Variants in NSUN7 observed in about 807,000 individuals in gnomAD.
NSUN7 encodes NOP2/Sun RNA methyltransferase family member 7, also known as protein NSUN7.
NSUN7 carries 39 observed loss-of-function variants against 58.5 expected under a neutral mutation model. The ratio of observed to expected loss-of-function variants is 0.67; its 90% CI spans 0.52 to 0.87. The LOEUF (loss-of-function observed/expected upper bound fraction) is 0.87, where lower values mean the gene tolerates loss of function less well. Ranked by LOEUF, NSUN7 falls within the 40% of genes least tolerant of loss-of-function variation. The pLI is 0.00. For synonymous variants in NSUN7, 278 were observed against 303.7 expected (o/e 0.92, Z 0.88); for missense variants, 765 against 844.1 (o/e 0.91, Z 1.16).
intron 4 of NSUN7, among the ~76,000 whole-genome samples, chr4:40,766,443 T>C (rs1741731331): frequency 6.6e-6 from 1 of 151,948 alleles, no homozygotes; most frequent in Non-Finnish European, 1.5e-5. Flanking sequence ...CACTTGATCA[T>C]GGTGGATAAG....
chr4:40,805,929 C>T (rs746266445), intron 10 of NSUN7, among the ~76,000 whole-genome samples: 1 of 152,060 alleles, frequency 6.6e-6, no homozygotes, highest in Admixed American at 6.6e-5. Flanking sequence ...GCAACCACCA[C>T]CTCCTGGGTT....
chr4:40,808,851 T>C lies in NSUN7; in HGVS notation c.2069T>C (p.Leu690Pro). The C allele has an allele frequency of 6.5e-7, 1 of 1,549,156 alleles. No individual in the cohort carries two copies. The highest frequency in any genetic ancestry group is 8.7e-7 in the Non-Finnish European group (1 of 1,146,712). ...VAPKALVPTC[L>P]PTHSLSRKEE... ...CCCAAGGCACTTGTGCCCACCTGCC[T>C]TCCCACACACTCACTATCCAGAAAA... The change falls in exon 12 of 12, where the codon CTT becomes CCT. Residue 690 changes from leucine to proline, a missense_variant. Coordinates refer to ENST00000381782, the MANE Select transcript of NSUN7 (RefSeq NM_024677.6).
chr4:40,753,130 T>G (rs1380093344), intron 2 of NSUN7, among the ~76,000 whole-genome samples: 1 of 152,212 alleles, frequency 6.6e-6, no homozygotes, highest in Non-Finnish European at 1.5e-5. Flanking sequence ...CCTTTAGTAC[T>G]CAATAAGAAA....
At position 40,761,148 on chromosome 4, in the gene NSUN7, TTATA is replaced by T. The variant is rs755142917; in HGVS notation, c.358-19_358-16del. On this transcript the variant is annotated intron_variant, in intron 3 of 11. Transcript: ENST00000381782. ...TTAGATATTGTTTGTATACTTTTCT[TTATA>T]TATGTTTTCCCTTGTTAGCCAGATC... is the stretch of plus-strand genomic sequence containing the variant. The T allele has an allele frequency of 4.5e-6, 7 of 1,542,834 alleles. No homozygotes were observed.
At chr4:40,778,031 A>G (rs962785803) in intron 7 of NSUN7, among the ~76,000 whole-genome samples, 7 of 152,244 alleles carry the variant, frequency 4.6e-5, no homozygotes, top group African/African-American at 1.4e-4. Context: ...GAAAAATACA[A>G]TGTGTGAAAT....
intron 2 of NSUN7, among the ~76,000 whole-genome samples, chr4:40,755,491 T>G (rs76972749): frequency 0.017 from 2,523 of 152,324 alleles, 68 homozygotes; most frequent in African/African-American, 0.058. Context: ...TGAAATTGCT[T>G]ATCTTTTTCC....
chr4:40,762,055 A>T (rs958704579), intron 4 of NSUN7, among the ~76,000 whole-genome samples: 1 of 152,184 alleles, frequency 6.6e-6, no homozygotes, highest in African/African-American at 2.4e-5. Flanking sequence ...ATGCTATTAT[A>T]AAAAGGGCTT....
intron 9 of NSUN7, among the ~76,000 whole-genome samples, chr4:40,797,002 C>T (rs954057463): frequency 1.3e-5 from 2 of 152,172 alleles, no homozygotes; most frequent in African/African-American, 2.4e-5. Context: ...CTGTGAAGAT[C>T]GCCAGTGATC....
intron 4 of NSUN7, among the ~76,000 whole-genome samples, chr4:40,771,755 T>A: frequency 6.8e-6 from 1 of 148,082 alleles, no homozygotes; most frequent in East Asian, 1.9e-4. Flanking sequence ...ATAATTATAT[T>A]ATTAATATTT....
At position 40,760,448 on chromosome 4, in the gene NSUN7, GAA is replaced by G; in HGVS notation, c.315_316del (p.Glu105AspfsTer28). The G allele has an allele frequency of 1.2e-6, 2 of 1,609,288 alleles. No homozygotes were observed. Among genetic ancestry groups the G allele is most frequent in the Non-Finnish European group, 1.7e-6 (2 of 1,177,658 alleles). On this transcript the variant is annotated frameshift_variant, in exon 3 of 12. Coordinates refer to ENST00000381782, the MANE Select transcript of NSUN7 (RefSeq NM_024677.6). LOFTEE classifies it high-confidence loss of function. ...FSALKYQDILETILIDSCIFP... is the reference protein window; with the variant it reads ...FSALKYQDILXTILIDSCIFP... ...TTGTTTTGCAGATCAAGATATTTTGGAAACTATATTGATAGACAGCTGTATCT... is the reference window on the plus strand; with the variant it reads ...TTGTTTTGCAGATCAAGATATTTTGGACTATATTGATAGACAGCTGTATCT...
chr4:40,760,674 C>A (rs997754901), intron 3 of NSUN7, among the ~76,000 whole-genome samples, 182 bp downstream of exon 3: 9 of 151,364 alleles, frequency 5.9e-5, no homozygotes, highest in African/African-American at 2.2e-4. Flanking sequence ...ACCAGCCTGA[C>A]CAACATGGAG....
intron 10 of NSUN7, among the ~76,000 whole-genome samples, chr4:40,803,829 T>C (rs1310565912): frequency 6.6e-6 from 1 of 152,160 alleles, no homozygotes; most frequent in Non-Finnish European, 1.5e-5. Flanking sequence ...TTCTCCCCTA[T>C]TGAATGGTCT....
At chr4:40,776,647 A>G (rs1350773548) in intron 7 of NSUN7, among the ~76,000 whole-genome samples, 5 of 151,828 alleles carry the variant, frequency 3.3e-5, no homozygotes, top group African/African-American at 1.2e-4. Context: ...ATAAAGTCTT[A>G]CTTTGTTGCC....
Position 40,750,838 on chromosome 4 carries a change from AT to A in NSUN7, c.146del (p.Met49ArgfsTer19). The A allele has an allele frequency of 6.2e-7, 1 of 1,614,144 alleles. No individual in the cohort carries two copies. Among genetic ancestry groups the A allele is most frequent in the Non-Finnish European group, 8.5e-7 (1 of 1,180,022 alleles). ...GGGCTATCCGGACTCCGTTTATGTC[AT>A]GGCAGCCAACATTTTTCAGGGTATT... The part of the protein sequence containing the change: ...KTGYPDSVYV[M>X]AANIFQGIRI... On this transcript the variant is annotated frameshift_variant, in exon 2 of 12. Coordinates refer to ENST00000381782, the MANE Select transcript of NSUN7 (RefSeq NM_024677.6). LOFTEE classifies it high-confidence loss of function.
At chr4:40,799,717 T>C (rs1331683836) in intron 10 of NSUN7, among the ~76,000 whole-genome samples, 2 of 152,156 alleles carry the variant, frequency 1.3e-5, no homozygotes, top group African/African-American at 4.8e-5. Context: ...AAAGAAATTA[T>C]GCATTACCTA....
intron 7 of NSUN7, among the ~76,000 whole-genome samples, chr4:40,790,082 T>TTTC (rs1553919190): frequency 7.3e-6 from 1 of 137,242 alleles, no homozygotes; most frequent in Non-Finnish European, 1.6e-5. Context: ...TTTTTTTTTT[T>TTTC]CTGGAGAGAA....
At chr4:40,801,686 T>C (rs905795788) in intron 10 of NSUN7, among the ~76,000 whole-genome samples, 1 of 151,824 alleles carries the variant, frequency 6.6e-6, no homozygotes, top group African/African-American at 2.4e-5. Context: ...CCATTTGAGC[T>C]CAGGTTTTCA....
intron 10 of NSUN7, among the ~76,000 whole-genome samples, chr4:40,803,525 C>T (rs546338981): frequency 6.6e-6 from 1 of 152,128 alleles, no homozygotes; most frequent in African/African-American, 2.4e-5. Flanking sequence ...ATTTGCATTT[C>T]TCTGATGGCC....
chr4:40,800,444 G>A (rs1275215530), intron 10 of NSUN7, among the ~76,000 whole-genome samples: 3 of 151,920 alleles, frequency 2.0e-5, no homozygotes, highest in Non-Finnish European at 4.4e-5. Flanking sequence ...GGTTCAAGCA[G>A]TTCTCTTGCC....
Sources: gnomAD v4.1 joint callset for allele counts (sites outside exome capture counted in the v4.1 genomes callset) on GRCh38, gnomAD v4.1.1 for gene constraint, MANE v1.5 for transcripts, NCBI Gene and HGNC (gene_info 2026-07-23, HGNC 2026-07-21) for gene names.